The following FBXL17 variants were observed in gnomAD, a reference collection of about 807,000 sequenced individuals.
FBXL17 encodes F-box/LRR-repeat protein 17.
FBXL17 carries 22 observed loss-of-function variants against 66.2 expected under a neutral mutation model. That is an observed-to-expected ratio of 0.33 (90% confidence interval 0.24 to 0.47). The LOEUF (loss-of-function observed/expected upper bound fraction) is 0.47, where lower values mean the gene tolerates loss of function less well. Ranked by LOEUF, FBXL17 falls within the 20% of genes least tolerant of loss-of-function variation. The probability of loss-of-function intolerance (pLI) is 1.00; values close to 1 mark genes in which losing one functional copy is unlikely to be tolerated. For missense variants in FBXL17, 878 were observed against 948.2 expected (o/e 0.93, Z 0.97); for synonymous variants, 474 against 400.5 (o/e 1.18, Z -2.19).
chr5:107,956,494 T>A (rs1751670316), intron 7 of FBXL17, among the ~76,000 whole-genome samples: 1 of 152,158 alleles, frequency 6.6e-6, no homozygotes, highest in South Asian at 2.1e-4. Flanking sequence ...CCAACTCCAG[T>A]TTTTCCCTTT....
intron 7 of FBXL17, among the ~76,000 whole-genome samples, chr5:107,964,243 C>T (rs1367843611): frequency 6.6e-6 from 1 of 152,058 alleles, no homozygotes; most frequent in Non-Finnish European, 1.5e-5. Flanking sequence ...GTCATATGTG[C>T]TTTCATGTGG....
At chr5:108,181,559 T>C (rs970918385) in intron 6 of FBXL17, among the ~76,000 whole-genome samples, 4 of 152,184 alleles carry the variant, frequency 2.6e-5, no homozygotes, top group Admixed American at 2.0e-4. Context: ...AATTACTACA[T>C]ATTTTACAAT....
At chr5:108,079,902 C>A (rs1409968564) in intron 6 of FBXL17, among the ~76,000 whole-genome samples, 1 of 152,180 alleles carries the variant, frequency 6.6e-6, no homozygotes, top group African/African-American at 2.4e-5. Context: ...GACTTGGCTT[C>A]AAAAATGGAA....
chr5:108,325,453 T>A (rs1759804939), intron 4 of FBXL17, among the ~76,000 whole-genome samples: 1 of 152,048 alleles, frequency 6.6e-6, no homozygotes, highest in South Asian at 2.1e-4. Context: ...AATTTGATCT[T>A]AAGAATAAAT....
chr5:108,186,317 A>G, intron 5 of FBXL17, 70 bp from the exon 6 acceptor site: 2 of 1,336,534 alleles, frequency 1.5e-6, no homozygotes, highest in South Asian at 2.5e-5. Context: ...TTACAAATGT[A>G]GTTTATTACA....
chr5:108,097,968 C>G (rs888340200), intron 6 of FBXL17, among the ~76,000 whole-genome samples: 4 of 151,978 alleles, frequency 2.6e-5, no homozygotes, highest in African/African-American at 9.7e-5. Flanking sequence ...CTGTCCACAA[C>G]CCCTATAATG....
chr5:108,076,819 T>A (rs1211921497), intron 6 of FBXL17, among the ~76,000 whole-genome samples: 1 of 152,194 alleles, frequency 6.6e-6, no homozygotes, highest in African/African-American at 2.4e-5. Flanking sequence ...GGAGGCTTCA[T>A]CTACATAATG....
intron 7 of FBXL17, among the ~76,000 whole-genome samples, chr5:108,020,088 T>G (rs1754531466): frequency 6.6e-6 from 1 of 151,938 alleles, no homozygotes; most frequent in Non-Finnish European, 1.5e-5. Flanking sequence ...TTATTATATG[T>G]CAGAGCTAAC....
intron 7 of FBXL17, among the ~76,000 whole-genome samples, chr5:107,915,514 A>G (rs1455922974): frequency 6.6e-6 from 1 of 152,152 alleles, no homozygotes; most frequent in East Asian, 1.9e-4. Flanking sequence ...TCTGGAAAAA[A>G]TACACAACAG....
intron 8 of FBXL17, among the ~76,000 whole-genome samples, chr5:107,874,723 G>A (rs930574310): frequency 6.6e-6 from 1 of 152,206 alleles, no homozygotes; most frequent in South Asian, 2.1e-4. Flanking sequence ...GGAAGAGGAG[G>A]AGATGGGAAC....
At chr5:108,009,298 T>TATATATAGATAG (rs1554056628) in intron 7 of FBXL17, among the ~76,000 whole-genome samples, 1 of 71,450 alleles carries the variant, frequency 1.4e-5, no homozygotes, top group Non-Finnish European at 2.5e-5. Context: ...TATATATATA[T>TATATATAGATAG]ATACATATAT....
At chr5:107,967,322 G>A (rs148366726) in intron 7 of FBXL17, among the ~76,000 whole-genome samples, 219 of 152,160 alleles carry the variant, frequency 1.4e-3, no homozygotes, top group African/African-American at 5.1e-3. Context: ...GGAAATCGAA[G>A]ATCAGAATCA....
rs762229912 is a variant in FBXL17 at position 108,072,398 on chromosome 5, C to T, written c.1746-51397G>A. The stretch of plus-strand genomic sequence containing the variant: ...TCAGTTAACAGTTACAGGGCACAAT[C>T]GACAGAAACGTTCCTTAGAAAGTAC... On this transcript the variant is annotated intron_variant, in intron 6 of 8. Transcript: ENST00000542267. Among the ~76,000 whole-genome samples the T allele has an allele frequency of 7.8e-4, 119 of 152,260 alleles. 1 individual carries two copies. Among genetic ancestry groups the T allele is most frequent in the Non-Finnish European group, 1.5e-3 (100 of 68,002 alleles).
intron 6 of FBXL17, among the ~76,000 whole-genome samples, chr5:108,119,482 T>A (rs1331209283): frequency 6.6e-6 from 1 of 152,202 alleles, no homozygotes. Context: ...AGCAGCATAA[T>A]AGGGCCCATT....
At chr5:107,985,043 G>T (rs1298265804) in intron 7 of FBXL17, among the ~76,000 whole-genome samples, 1 of 152,104 alleles carries the variant, frequency 6.6e-6, no homozygotes, top group African/African-American at 2.4e-5. Flanking sequence ...TTTCATGGAA[G>T]TTTGAAAATG....
intron 6 of FBXL17, among the ~76,000 whole-genome samples, chr5:108,144,384 T>G (rs796235024): frequency 6.6e-6 from 1 of 152,204 alleles, no homozygotes; most frequent in Non-Finnish European, 1.5e-5. Flanking sequence ...CTGGAATTAT[T>G]TCTAACATGA....
intron 6 of FBXL17, among the ~76,000 whole-genome samples, chr5:108,024,490 CA>C (rs1004181294): frequency 3.9e-5 from 6 of 151,986 alleles, no homozygotes; most frequent in African/African-American, 1.5e-4. Flanking sequence ...AAAAGTTATC[CA>C]AATCAAATGT....
intron 4 of FBXL17, among the ~76,000 whole-genome samples, chr5:108,319,219 G>A (rs1386936730): frequency 6.6e-6 from 1 of 151,842 alleles, no homozygotes. Context: ...AGTGCAGAAT[G>A]GGAAAATTAA....
intron 6 of FBXL17, among the ~76,000 whole-genome samples, chr5:108,044,701 T>C (rs1342442176): frequency 1.4e-4 from 22 of 152,222 alleles, no homozygotes; most frequent in Admixed American, 1.4e-3. Context: ...AAATATTGTC[T>C]AGAATTGGCA....
Sources: allele counts gnomAD v4.1 joint callset (sites outside exome capture counted in the v4.1 genomes callset), GRCh38; gene constraint gnomAD v4.1.1; transcripts MANE v1.5; gene names NCBI Gene and HGNC (gene_info 2026-07-23, HGNC 2026-07-21).